Variants in KLC4 observed in about 807,000 individuals in gnomAD.
KLC4 encodes kinesin light chain 4.
KLC4 carries 49 observed loss-of-function variants against 77.2 expected under a neutral mutation model. That is an observed-to-expected ratio of 0.63 (90% CI 0.50 to 0.80). The LOEUF is 0.80. Ranked by LOEUF, KLC4 falls within the 30% of genes least tolerant of loss-of-function variation. The pLI, the probability that KLC4 is intolerant of heterozygous loss-of-function variation, is 0.00. For synonymous variants in KLC4, 274 were observed against 314.5 expected (o/e 0.87, Z 1.36); for missense variants, 669 against 793.5 (o/e 0.84, Z 1.89).
In KLC4 at chr6:43,073,927, T is replaced by G. The variant is rs770860338; in HGVS notation, c.1771T>G (p.Leu591Val). ...SSSNMKRAASLNYLNQPSAAP... is the reference protein window; with the variant it reads ...SSSNMKRAASVNYLNQPSAAP... ...CAGCAACATGAAGCGAGCAGCCTCC[T>G]TGAACTATCTGAACCAACCTAGTGC... is the stretch of plus-strand genomic sequence containing the variant. Residue 591 changes from leucine (L) to valine (V), a missense_variant, in exon 15 of 16, where the codon TTG becomes GTG. Transcript: ENST00000347162. 1.2e-6 allele frequency: 2 copies of G among 1,613,766 alleles called. No individual in the cohort carries two copies. The highest frequency in any genetic ancestry group is 2.7e-5 in the African/African-American group (2 of 74,920).
Position 43,062,949 on chromosome 6 carries a change from A to C in KLC4, c.291A>C (p.Thr97=), listed in dbSNP as rs763478749. ...VMLALASHLS[T]VESEKQKLRA... is the part of the protein sequence containing the mutation. Reference sequence around the variant, plus strand: ...TGGCTCTAGCCAGCCACCTGAGCACAGTGGAGTCGGAGAAACAGAAGCTGC... The same window carrying C: ...TGGCTCTAGCCAGCCACCTGAGCACCGTGGAGTCGGAGAAACAGAAGCTGC... Residue 97 remains threonine, a synonymous_variant, in exon 3 of 16, where the codon ACA becomes ACC. Coordinates refer to ENST00000347162, the MANE Select transcript of KLC4 (RefSeq NM_201521.3). 2 of 1,614,210 alleles carry C rather than the reference A, an allele frequency of 1.2e-6. No homozygotes were observed. Among genetic ancestry groups the C allele is most frequent in the Non-Finnish European group, 1.7e-6 (2 of 1,180,022 alleles).
intron 10 of KLC4, 76 bp downstream of exon 10, chr6:43,071,695 C>A: frequency 6.6e-7 from 1 of 1,505,256 alleles, no homozygotes; most frequent in Non-Finnish European, 9.2e-7. Flanking sequence ...TGCATTAGCC[C>A]AACTCTCACT....
chr6:43,064,117 C>T (rs1174282623), intron 3 of KLC4, among the ~76,000 whole-genome samples: 3 of 152,082 alleles, frequency 2.0e-5, no homozygotes, highest in Non-Finnish European at 4.4e-5. Context: ...GGATTACAGG[C>T]GTGAGCCACC....
intron 4 of KLC4, 98 bp from the exon 5 acceptor site, chr6:43,066,208 T>G (rs965442534): frequency 3.0e-6 from 3 of 990,928 alleles, no homozygotes. Flanking sequence ...CAGGTTGGGG[T>G]GGGCACAAGT....
At chr6:43,067,266 A>C in intron 6 of KLC4, 183 bp downstream of exon 6, 1 of 1,259,712 alleles carries the variant, frequency 7.9e-7, no homozygotes. Context: ...ATTCTCTGAG[A>C]CTCAGTGACT....
In KLC4 at chr6:43,070,551, A is replaced by G. The variant is rs1348212431; in HGVS notation, c.981+96A>G. ...CCTCCTCCTTCACTTTTTTTTTCTC[A>G]CCCCCATCTCTGCTTTGTTCTCTCT... On this transcript the variant is annotated intron_variant, in intron 7 of 15. Coordinates refer to ENST00000347162, the MANE Select transcript of KLC4 (RefSeq NM_201521.3). 12 of 1,348,912 alleles carry G rather than the reference A, an allele frequency of 8.9e-6. No individual in the cohort carries two copies. In the East Asian group the frequency reaches 1.9e-4, roughly 21 times the overall value. 83.6% of individuals were successfully genotyped at this position (1,348,912 alleles called of 1,614,324 possible).
intron 3 of KLC4, 174 bp from the exon 4 acceptor site, chr6:43,065,446 A>G (rs2150353359): frequency 3.7e-6 from 2 of 538,764 alleles, no homozygotes; most frequent in Non-Finnish European, 3.3e-6. Flanking sequence ...GGCTGTTACA[A>G]ACAAGAGGCC....
At chr6:43,070,978 G>A (rs2150357901) in intron 8 of KLC4, 113 bp downstream of exon 8, 2 of 995,098 alleles carry the variant, frequency 2.0e-6, no homozygotes, top group Non-Finnish European at 2.9e-6. Context: ...AAGCATCACA[G>A]TCTGGCACAC....
Position 43,073,956 on chromosome 6 carries a change from A to T in KLC4, c.1800A>T (p.Ala600=). The T allele has an allele frequency of 6.2e-7, 1 of 1,610,386 alleles. No individual in the cohort carries two copies. Among genetic ancestry groups the T allele is most frequent in the Non-Finnish European group, 8.5e-7 (1 of 1,178,140 alleles). ...SLNYLNQPSA[A]PLQVSRGLSA... ...ACTATCTGAACCAACCTAGTGCAGCACCCCTCCAGGTGAGAGCAGTGCTTG... is the reference window on the plus strand; with the variant it reads ...ACTATCTGAACCAACCTAGTGCAGCTCCCCTCCAGGTGAGAGCAGTGCTTG... The change falls in exon 15 of 16, where the codon GCA becomes GCT. Residue 600 remains alanine (A), a synonymous_variant. Coordinates refer to ENST00000347162, the MANE Select transcript of KLC4 (RefSeq NM_201521.3).
chr6:43,063,173 TG>T lies in KLC4; in HGVS notation c.489+27del, dbSNP rs774961065. On this transcript the variant is annotated intron_variant, in intron 3 of 15. Transcript: ENST00000347162. ...GTGAGTGTGCACAGGCGAGACTGGC[TG>T]AGGGGTGGGCAGCCGGGAGTTACCA... 5.1e-6 allele frequency: 8 copies of T among 1,572,122 alleles called. 1 individual carries two copies. In the South Asian group the frequency reaches 9.1e-5, roughly 18 times the overall value.
chr6:43,063,814 A>G (rs1356307838), intron 3 of KLC4, among the ~76,000 whole-genome samples: 1 of 151,966 alleles, frequency 6.6e-6, no homozygotes, highest in East Asian at 1.9e-4. Flanking sequence ...TGGGCCTCCC[A>G]AAGTGCTGGG....
chr6:43,073,825 G>A, intron 14 of KLC4, 77 bp from the exon 15 acceptor site: 1 of 1,292,616 alleles, frequency 7.7e-7, no homozygotes, highest in Non-Finnish European at 1.1e-6. Context: ...CAGTGTGGCA[G>A]TGCTCAAGAG....
intron 6 of KLC4, among the ~76,000 whole-genome samples, chr6:43,069,108 AAAATAAATAAAT>A (rs965289044): frequency 6.6e-6 from 1 of 152,072 alleles, no homozygotes; most frequent in Non-Finnish European, 1.5e-5. Context: ...ACTTCATCTT[AAAATAAATAAAT>A]AAATAAATAA....
intron 6 of KLC4, among the ~76,000 whole-genome samples, chr6:43,068,111 CAAAAA>C (rs763158428): frequency 4.0e-5 from 1 of 25,228 alleles, no homozygotes; most frequent in Non-Finnish European, 6.8e-5. Flanking sequence ...GACTCCGTCT[CAAAAA>C]AAAAAAAAAA....
intron 3 of KLC4, chr6:43,065,384 C>CT (rs1226000720): frequency 6.7e-6 from 3 of 451,120 alleles, no homozygotes; most frequent in Admixed American, 3.5e-5. Flanking sequence ...AGGAAGGAAA[C>CT]TTTCTGTATG....
In KLC4 at chr6:43,066,520, G is replaced by T; in HGVS notation, c.786G>T (p.Val262=). The change falls in exon 5 of 16, where the codon GTG becomes GTT. Residue 262 remains valine (V), a synonymous_variant. Transcript: ENST00000347162. ...VATMLNILAL[V]YRDQNKYKEA... ...CCATGCTCAACATCCTTGCTTTGGT[G>T]TATCGGTGAGGACTTCCCTCCTCCA... 1 of 1,611,580 alleles carries T rather than the reference G, an allele frequency of 6.2e-7. No homozygotes were observed. The highest frequency in any genetic ancestry group is 1.1e-5 in the South Asian group (1 of 91,030).
rs774342149 is a variant in KLC4, at chr6:43,071,604, G to A, written c.1293G>A (p.Arg431=). Residue 431 remains arginine (R), a synonymous_variant, in exon 10 of 16, where the codon CGG becomes CGA. Coordinates refer to ENST00000347162, the MANE Select transcript of KLC4 (RefSeq NM_201521.3). ...HKPIWMHAEE[R]EEMSKSRHHE... Reference sequence around the variant, plus strand: ...CCATCTGGATGCATGCAGAGGAGCGGGAGGAAATGAGCAAAGTGAGTGGGG... The same window carrying A: ...CCATCTGGATGCATGCAGAGGAGCGAGAGGAAATGAGCAAAGTGAGTGGGG... The A allele has an allele frequency of 3.1e-6, 5 of 1,613,654 alleles. No homozygotes were observed. The highest frequency in any genetic ancestry group is 1.3e-5 in the African/African-American group (1 of 74,856).
At chr6:43,064,177 A>G (rs916690943) in intron 3 of KLC4, among the ~76,000 whole-genome samples, 4 of 152,216 alleles carry the variant, frequency 2.6e-5, no homozygotes, top group Admixed American at 2.6e-4. Flanking sequence ...GTAGGGAACA[A>G]GTCTTATCCA....
chr6:43,074,056 G>A, intron 15 of KLC4, 91 bp downstream of exon 15: 1 of 991,298 alleles, frequency 1.0e-6, no homozygotes. Context: ...AGGGAAGGGA[G>A]AGGAGTCATC....
Sources: allele counts gnomAD v4.1 joint callset (sites outside exome capture counted in the v4.1 genomes callset), GRCh38; gene constraint gnomAD v4.1.1; transcripts MANE v1.5; gene names NCBI Gene and HGNC (gene_info 2026-07-23, HGNC 2026-07-21).